SLC7A2: variants seen among roughly 807,000 people sequenced by gnomAD.
The protein encoded by SLC7A2 is solute carrier family 7 member 2, also known as cationic amino acid transporter 2.
In SLC7A2, 48 loss-of-function variants were observed where a neutral mutation model predicts 58.9. That is an observed-to-expected ratio of 0.82 (90% confidence interval 0.65 to 1.04). The LOEUF is 1.04. Among genes scored for constraint, SLC7A2 ranks in the 50% least tolerant of loss-of-function variants. The pLI is 0.00. For missense variants in SLC7A2, 1,029 were observed against 818.8 expected (o/e 1.26, Z -3.13); for synonymous variants, 363 against 314.5 (o/e 1.15, Z -1.63).
intron 5 of SLC7A2, among the ~76,000 whole-genome samples, chr8:17,549,191 C>T (rs1802326594): frequency 6.6e-6 from 1 of 152,186 alleles, no homozygotes; most frequent in Non-Finnish European, 1.5e-5. Flanking sequence ...GGGTCCCTGC[C>T]ACAACACATG....
chr8:17,528,044 C>A (rs555070745), intron 2 of SLC7A2, among the ~76,000 whole-genome samples: 1 of 152,140 alleles, frequency 6.6e-6, no homozygotes, highest in African/African-American at 2.4e-5. Flanking sequence ...GAAGGAGTAA[C>A]CTTCCAGGAA....
chr8:17,548,647 A>G, intron 4 of SLC7A2, 31 bp from the exon 5 acceptor site: 1 of 1,551,242 alleles, frequency 6.4e-7, no homozygotes. Context: ...TCCTAAAGCT[A>G]AATAAAAATT....
At chr8:17,497,884 G>C (rs1306515934) in intron 1 of SLC7A2, among the ~76,000 whole-genome samples, 1 of 152,136 alleles carries the variant, frequency 6.6e-6, no homozygotes, top group African/African-American at 2.4e-5. Context: ...ATGAAACGCT[G>C]TTCTTGAGGC....
intron 11 of SLC7A2, among the ~76,000 whole-genome samples, chr8:17,562,790 G>A (rs1386969004): frequency 6.6e-6 from 1 of 152,142 alleles, no homozygotes; most frequent in Non-Finnish European, 1.5e-5. Flanking sequence ...AGTAGGGTGA[G>A]TATTTTGTTT....
chr8:17,496,527 G>A (rs1799962217), upstream of SLC7A2, among the ~76,000 whole-genome samples: 1 of 152,112 alleles, frequency 6.6e-6, no homozygotes, highest in Non-Finnish European at 1.5e-5. Flanking sequence ...TGGAAATAAT[G>A]TCATTTCCTA....
At chr8:17,560,573 G>T (rs1160841376) in intron 10 of SLC7A2, 40 bp downstream of exon 10, 1 of 1,518,164 alleles carries the variant, frequency 6.6e-7, no homozygotes, top group African/African-American at 1.4e-5. Context: ...AGACCCAGAA[G>T]ATGTGTGTGA....
chr8:17,517,130 A>G (rs1413443585), intron 2 of SLC7A2, among the ~76,000 whole-genome samples: 1 of 152,214 alleles, frequency 6.6e-6, no homozygotes, highest in African/African-American at 2.4e-5. Context: ...ATCACTTTAA[A>G]CACACATTCC....
chr8:17,543,307 C>T lies in SLC7A2; in HGVS notation c.-22-11C>T. The stretch of plus-strand genomic sequence containing the variant: ...TCCAGATCAGCTTCTAACCTCCTCC[C>T]TTCTGCTCAGGTCGCCTTCGTCAGA... On this transcript the variant is annotated splice_polypyrimidine_tract_variant and intron_variant, in intron 2 of 12. Coordinates refer to ENST00000494857, the MANE Select transcript of SLC7A2 (RefSeq NM_001370338.1). 6.3e-7 allele frequency: 1 copy of T among 1,589,056 alleles called. No individual in the cohort carries two copies. Among genetic ancestry groups the T allele is most frequent in the Middle Eastern group, 1.7e-4 (1 of 5,892 alleles).
chr8:17,512,470 C>A (rs1481662412), intron 2 of SLC7A2, among the ~76,000 whole-genome samples: 1 of 152,120 alleles, frequency 6.6e-6, no homozygotes, highest in Non-Finnish European at 1.5e-5. Context: ...TCGCTTGAAC[C>A]AGGGAGGTGG....
At chr8:17,510,244 T>TAAA (rs1487633646) in intron 2 of SLC7A2, among the ~76,000 whole-genome samples, 1 of 151,380 alleles carries the variant, frequency 6.6e-6, no homozygotes, top group Non-Finnish European at 1.5e-5. Context: ...ATAATAATAA[T>TAAA]AATAATAATA....
At chr8:17,530,810 G>T (rs1232595074) in intron 2 of SLC7A2, among the ~76,000 whole-genome samples, 2 of 152,104 alleles carry the variant, frequency 1.3e-5, no homozygotes, top group African/African-American at 2.4e-5. Flanking sequence ...GACCTCAAGT[G>T]ATCCTCCTGC....
chr8:17,556,058 C>T (rs1802687382), intron 8 of SLC7A2, among the ~76,000 whole-genome samples: 1 of 152,084 alleles, frequency 6.6e-6, no homozygotes. Context: ...TTTGTTTAAA[C>T]ACTTTCACTT....
Position 17,554,937 on chromosome 8 carries a change from C to G in SLC7A2, c.1195+238C>G, listed in dbSNP as rs183307428. On this transcript the variant is annotated intron_variant, in intron 8 of 12. Coordinates refer to ENST00000494857, the MANE Select transcript of SLC7A2 (RefSeq NM_001370338.1). Reference sequence around the variant, plus strand: ...ACTCATGTGTGGATTTTGAATTTTTCTGTTCTAGTCTTCTGGGCTCTATGT... The same window carrying G: ...ACTCATGTGTGGATTTTGAATTTTTGTGTTCTAGTCTTCTGGGCTCTATGT... The G allele has an allele frequency of 9.9e-6, 16 of 1,613,096 alleles. No homozygotes were observed. The African/African-American group carries it at 1.6e-4, about 16-fold the overall frequency.
chr8:17,548,727 C>T lies in SLC7A2; in HGVS notation c.582C>T (p.Phe194=). ...VKESAWVNKV[F]TAVNILVLLF... is the part of the protein sequence containing the mutation. ...AGTCTGCTTGGGTGAATAAAGTCTT[C>T]ACAGCTGTTAATATTCTCGTCCTTC... is the stretch of plus-strand genomic sequence containing the variant. Residue 194 remains phenylalanine, a synonymous_variant, in exon 5 of 13, where the codon TTC becomes TTT. Coordinates refer to ENST00000494857, the MANE Select transcript of SLC7A2 (RefSeq NM_001370338.1). 6.2e-7 allele frequency: 1 copy of T among 1,613,648 alleles called. No individual in the cohort carries two copies. The highest frequency in any genetic ancestry group is 8.5e-7 in the Non-Finnish European group (1 of 1,179,716).
chr8:17,549,987 G>T (rs201690045), intron 5 of SLC7A2, among the ~76,000 whole-genome samples: 1 of 152,290 alleles, frequency 6.6e-6, no homozygotes, highest in South Asian at 2.1e-4. Flanking sequence ...CTTTGTCCCA[G>T]AGCATGGCTC....
At position 17,548,595 on chromosome 8, in the gene SLC7A2, A is replaced by G. The variant is rs1802287573; in HGVS notation, c.533-83A>G. The G allele has an allele frequency of 4.2e-6, 4 of 941,234 alleles. No individual in the cohort carries two copies. The East Asian group carries it at 9.7e-5, about 23-fold the overall frequency. 58.3% of individuals were successfully genotyped at this position (941,234 alleles called of 1,614,324 possible). A position where few individuals can be genotyped will look rare whatever the true frequency, so the allele number is the denominator to read the frequency against. ...TAAAGACATGAATGCTGGTGAAATA[A>G]TATCCTAAAGTCATGTATTTGCCTC... On this transcript the variant is annotated intron_variant, in intron 4 of 12. Transcript: ENST00000494857.
chr8:17,548,425 T>G (rs1194953572), intron 4 of SLC7A2, among the ~76,000 whole-genome samples: 1 of 152,210 alleles, frequency 6.6e-6, no homozygotes, highest in African/African-American at 2.4e-5. Flanking sequence ...CCAAAGTTAC[T>G]AGATTTATGT....
intron 1 of SLC7A2, chr8:17,499,983 G>A (rs1800089304): frequency 1.3e-5 from 2 of 152,154 alleles, no homozygotes; most frequent in African/African-American, 4.8e-5. Context: ...AACAGTTTGA[G>A]AAAAGATGTT....
intron 2 of SLC7A2, among the ~76,000 whole-genome samples, chr8:17,524,860 G>C (rs900211052): frequency 6.6e-6 from 1 of 151,870 alleles, no homozygotes; most frequent in African/African-American, 2.4e-5. Flanking sequence ...GCAATCAGGA[G>C]CAAGTTCTTA....
Sources: gnomAD v4.1 joint callset for allele counts (sites outside exome capture counted in the v4.1 genomes callset) on GRCh38, gnomAD v4.1.1 for gene constraint, MANE v1.5 for transcripts, NCBI Gene and HGNC (gene_info 2026-07-23, HGNC 2026-07-21) for gene names.